The following SYNDIG1L variants were observed in gnomAD, a reference collection of about 807,000 sequenced individuals.
The protein encoded by SYNDIG1L is synapse differentiation-inducing gene protein 1-like.
SYNDIG1L carries 13 observed loss-of-function variants against 20.1 expected under a neutral mutation model. The observed-to-expected ratio is 0.65, with a 90% CI of 0.42 to 1.03. The LOEUF (loss-of-function observed/expected upper bound fraction) is 1.03. Ranked by LOEUF, SYNDIG1L falls within the 50% of genes least tolerant of loss-of-function variation. SYNDIG1L has a pLI of 0.00. For missense variants in SYNDIG1L, 294 were observed against 305.1 expected, an observed-to-expected ratio of 0.96 and a Z score of 0.27; for synonymous variants, 128 against 129.3, an observed-to-expected ratio of 0.99 and a Z score of 0.07.
chr14:74,455,310 T>C, the SYNDIG1L span, among the ~76,000 whole-genome samples: 25 of 152,076 alleles, frequency 1.6e-4, no homozygotes, highest in African/African-American at 6.0e-4. Flanking sequence ...CCTGGAGTCC[T>C]GCATGCCTCA....
the SYNDIG1L span, among the ~76,000 whole-genome samples, chr14:74,457,864 C>T: frequency 1.3e-5 from 2 of 152,128 alleles, no homozygotes; most frequent in African/African-American, 2.4e-5. Context: ...GTGGTGCGGT[C>T]ACAACTCACT....
At chr14:74,471,184 T>C in the SYNDIG1L span, among the ~76,000 whole-genome samples, 1 of 152,204 alleles carries the variant, frequency 6.6e-6, no homozygotes, top group Non-Finnish European at 1.5e-5. Flanking sequence ...GATTCCATCC[T>C]GGAGTAGTTT....
chr14:74,472,577 T>C, the SYNDIG1L span, among the ~76,000 whole-genome samples: 1 of 152,226 alleles, frequency 6.6e-6, no homozygotes, highest in Non-Finnish European at 1.5e-5. Flanking sequence ...AGCCAGACAT[T>C]GATCAAATAA....
At chr14:74,416,538 G>A (rs2086176206) in intron 1 of SYNDIG1L, among the ~76,000 whole-genome samples, 1 of 152,134 alleles carries the variant, frequency 6.6e-6, no homozygotes, top group Non-Finnish European at 1.5e-5. Context: ...GGAGGCCGAG[G>A]CGGGAGGATC....
rs1396365531 is a variant in SYNDIG1L at position 74,407,301 on chromosome 14, G to T, written c.*234C>A. ...TGGGCAGCCCTGCCTTCTGTTTCCC[G>T]TCTGTAGCCTGGGTTAGAGAGTGGC... is the stretch of plus-strand genomic sequence containing the variant. On this transcript the variant is annotated 3_prime_UTR_variant, in exon 4 of 4. Coordinates refer to ENST00000331628, the MANE Select transcript of SYNDIG1L (RefSeq NM_001105579.2). 5.0e-6 allele frequency: 3 copies of T among 603,390 alleles called. No individual in the cohort carries two copies. Among genetic ancestry groups the T allele is most frequent in the Non-Finnish European group, 5.8e-6 (2 of 347,426 alleles). 37.4% of individuals were successfully genotyped at this position (603,390 alleles called of 1,614,324 possible).
Position 74,409,815 on chromosome 14 carries a change from AAGAC to A in SYNDIG1L, c.-57-18_-57-15del. 1 of 1,367,546 alleles carries A rather than the reference AAGAC, an allele frequency of 7.3e-7. No homozygotes were observed. The allele number at this position is 1,367,546 out of a possible 1,614,324, so 84.7% of individuals were successfully genotyped here. Reference sequence around the variant, plus strand: ...AGTCCTCAGAGCCTGTCAGAAGAGCAAGACAGACAAGCACTGAGGCCAGGGCACT... The same window carrying A: ...AGTCCTCAGAGCCTGTCAGAAGAGCAAGACAAGCACTGAGGCCAGGGCACT... On this transcript the variant is annotated splice_polypyrimidine_tract_variant and intron_variant, in intron 1 of 3. Transcript: ENST00000331628.
chr14:74,468,579 C>T, the SYNDIG1L span, among the ~76,000 whole-genome samples: 10 of 152,146 alleles, frequency 6.6e-5, no homozygotes, highest in Non-Finnish European at 1.5e-4. Context: ...GTTCCAGCCT[C>T]TCAGGCCCAG....
chr14:74,457,699 G>A, the SYNDIG1L span, among the ~76,000 whole-genome samples: 1 of 151,968 alleles, frequency 6.6e-6, no homozygotes, highest in Non-Finnish European at 1.5e-5. Flanking sequence ...GAGGCCCAAA[G>A]CCATACGCTC....
rs998824729 is a variant in SYNDIG1L, at chr14:74,407,563, G to T, written c.689C>A (p.Ala230Asp). ...GCCATGACCGTTCTGGGACATGTAA[G>T]CTGCCAGAGCCACCACCACAGCCAC... Reference protein sequence around the residue: ...LYVAVVVALAAYMSQNGHG With the variant: ...LYVAVVVALADYMSQNGHG Residue 230 changes from alanine (A) to aspartate (D), a missense_variant, in exon 4 of 4, where the codon GCT becomes GAT. Ala to Asp is a moderately radical substitution (Grantham distance 126). Transcript: ENST00000331628. The T allele has an allele frequency of 2.5e-6, 4 of 1,613,882 alleles. No homozygotes were observed. In the African/African-American group the frequency reaches 5.3e-5, roughly 22 times the overall value.
the SYNDIG1L span, among the ~76,000 whole-genome samples, chr14:74,444,998 A>G: frequency 6.6e-6 from 1 of 152,186 alleles, no homozygotes; most frequent in Non-Finnish European, 1.5e-5. Flanking sequence ...CTCACACTGA[A>G]ATGTGATCCC....
the SYNDIG1L span, among the ~76,000 whole-genome samples, chr14:74,477,039 AACACACACACACACACACACACAC>A: frequency 5.5e-4 from 53 of 97,074 alleles, 2 homozygotes; most frequent in East Asian, 2.1e-3. Context: ...CCCCATTCCC[AACACACACACACACACACACACAC>A]ACACACACAC....
the SYNDIG1L span, among the ~76,000 whole-genome samples, chr14:74,437,945 G>A: frequency 6.6e-6 from 1 of 152,194 alleles, no homozygotes; most frequent in African/African-American, 2.4e-5. Flanking sequence ...TGCGATGAAT[G>A]ATAGAAAGAA....
At chr14:74,471,634 A>G in the SYNDIG1L span, among the ~76,000 whole-genome samples, 4 of 152,028 alleles carry the variant, frequency 2.6e-5, no homozygotes, top group South Asian at 2.1e-4. Flanking sequence ...ACACACACAA[A>G]TCCTCACAAT....
the SYNDIG1L span, among the ~76,000 whole-genome samples, chr14:74,464,827 G>C: frequency 6.6e-6 from 1 of 152,126 alleles, no homozygotes; most frequent in Admixed American, 6.5e-5. Flanking sequence ...AAAACATCTT[G>C]AGAAAGGTCT....
At chr14:74,479,395 T>G in the SYNDIG1L span, 2 of 152,350 alleles carry the variant, frequency 1.3e-5, no homozygotes, top group South Asian at 2.1e-4. Flanking sequence ...TCAACTCAAT[T>G]GTGAATGGGG....
chr14:74,452,763 G>A, the SYNDIG1L span, among the ~76,000 whole-genome samples: 1 of 152,148 alleles, frequency 6.6e-6, no homozygotes, highest in Non-Finnish European at 1.5e-5. Context: ...GAAAGCATAA[G>A]TCTGTACAAA....
chr14:74,408,127 T>A, intron 2 of SYNDIG1L, 138 bp from the exon 3 acceptor site: 1 of 1,079,266 alleles, frequency 9.3e-7, no homozygotes, highest in Non-Finnish European at 1.3e-6. Context: ...CAGGTGGGGA[T>A]GTAGGCTGGC....
the SYNDIG1L span, among the ~76,000 whole-genome samples, chr14:74,475,851 G>A: frequency 6.6e-6 from 1 of 152,172 alleles, no homozygotes; most frequent in Non-Finnish European, 1.5e-5. Context: ...CGATTCATCT[G>A]TGTCCATTTG....
At chr14:74,439,963 C>T in the SYNDIG1L span, among the ~76,000 whole-genome samples, 48 of 152,174 alleles carry the variant, frequency 3.2e-4, no homozygotes, top group African/African-American at 1.1e-3. Flanking sequence ...CTGCTTATGG[C>T]CTCTCCAAGC....
Sources: allele counts gnomAD v4.1 joint callset (sites outside exome capture counted in the v4.1 genomes callset), GRCh38; gene constraint gnomAD v4.1.1; transcripts MANE v1.5; gene names NCBI Gene and HGNC (gene_info 2026-07-23, HGNC 2026-07-21).